CAMKMT: variants seen among roughly 807,000 people sequenced by gnomAD.
CAMKMT encodes the protein CaM KMT.
CAMKMT carries 53 observed loss-of-function variants against 48.0 expected under a neutral mutation model. That is an observed-to-expected ratio of 1.10 (90% confidence interval 0.89 to 1.39). The LOEUF (loss-of-function observed/expected upper bound fraction) is 1.39, where lower values mean the gene tolerates loss of function less well. Ranked by LOEUF, CAMKMT falls within the 40% of genes most tolerant of loss-of-function variation. CAMKMT has a pLI of 0.00. For synonymous variants in CAMKMT, 165 were observed against 152.3 expected (o/e 1.08, Z -0.61); for missense variants, 428 against 402.7 (o/e 1.06, Z -0.54).
intron 2 of CAMKMT, among the ~76,000 whole-genome samples, chr2:44,382,099 A>C (rs1480796815): frequency 6.6e-6 from 1 of 151,702 alleles, no homozygotes; most frequent in Non-Finnish European, 1.5e-5. Flanking sequence ...CTGCCACTAC[A>C]CCTGGCTAAT....
intron 3 of CAMKMT, among the ~76,000 whole-genome samples, chr2:44,694,298 G>A (rs1676818741): frequency 6.6e-6 from 1 of 152,184 alleles, no homozygotes; most frequent in South Asian, 2.1e-4. Flanking sequence ...TCTAGGCCAG[G>A]TGCGGTGGCT....
At chr2:44,608,550 A>G (rs957377249) in intron 3 of CAMKMT, among the ~76,000 whole-genome samples, 1 of 152,166 alleles carries the variant, frequency 6.6e-6, no homozygotes, top group African/African-American at 2.4e-5. Flanking sequence ...AACATTCAGT[A>G]TCCCTTTCTA....
chr2:44,753,977 C>A, intron 8 of CAMKMT, 78 bp from the exon 9 acceptor site: 1 of 1,000,750 alleles, frequency 1.0e-6, no homozygotes, highest in Non-Finnish European at 1.6e-6. Flanking sequence ...GTGTAATTAG[C>A]CTTGTACTTA....
At chr2:44,385,226 CT>C (rs963181130) in intron 2 of CAMKMT, among the ~76,000 whole-genome samples, 15 of 145,674 alleles carry the variant, frequency 1.0e-4, no homozygotes, top group South Asian at 2.2e-4. Flanking sequence ...CTAAGTATTC[CT>C]TTTTTTTTTG....
intron 3 of CAMKMT, chr2:44,457,257 A>G (rs1016043079): frequency 6.6e-6 from 1 of 152,150 alleles, no homozygotes. Flanking sequence ...ATATTTCTGT[A>G]TACTTAAAAA....
chr2:44,564,982 T>A (rs1041467379), intron 3 of CAMKMT, among the ~76,000 whole-genome samples: 7 of 152,320 alleles, frequency 4.6e-5, no homozygotes, highest in Admixed American at 4.6e-4. Context: ...TCCAAAGAGA[T>A]TTCCAGGGCT....
At chr2:44,422,862 A>T (rs1282674997) in intron 3 of CAMKMT, among the ~76,000 whole-genome samples, 1 of 152,124 alleles carries the variant, frequency 6.6e-6, no homozygotes, top group Non-Finnish European at 1.5e-5. Context: ...ATGAAGAGAT[A>T]CATAGAACCA....
intron 3 of CAMKMT, among the ~76,000 whole-genome samples, chr2:44,423,356 T>A (rs1242939016): frequency 6.6e-6 from 1 of 152,068 alleles, no homozygotes; most frequent in East Asian, 1.9e-4. Flanking sequence ...ATTTTTGTAT[T>A]TGTAGTAGAG....
intron 3 of CAMKMT, among the ~76,000 whole-genome samples, chr2:44,423,400 G>A (rs1013683574): frequency 2.6e-5 from 4 of 151,956 alleles, no homozygotes; most frequent in East Asian, 1.9e-4. Flanking sequence ...CACTGGTCTC[G>A]AACTCCTGAC....
intron 3 of CAMKMT, among the ~76,000 whole-genome samples, chr2:44,511,919 A>G (rs1001425476): frequency 6.6e-6 from 1 of 152,156 alleles, no homozygotes. Context: ...CCCATCTTCT[A>G]ATAGTACTGT....
chr2:44,540,376 T>C (rs35928107), intron 3 of CAMKMT, among the ~76,000 whole-genome samples: 5,386 of 152,248 alleles, frequency 0.035, 108 homozygotes, highest in Non-Finnish European at 0.053. Flanking sequence ...AGGATCATCT[T>C]GTACTTTCTC....
intron 3 of CAMKMT, among the ~76,000 whole-genome samples, chr2:44,659,694 C>T (rs957597342): frequency 3.3e-5 from 5 of 151,810 alleles, no homozygotes; most frequent in Admixed American, 3.3e-4. Context: ...ACTTTTTTCC[C>T]TTAATTTATA....
intron 3 of CAMKMT, among the ~76,000 whole-genome samples, chr2:44,615,758 G>T (rs534630231): frequency 1.3e-5 from 2 of 152,106 alleles, no homozygotes; most frequent in Non-Finnish European, 2.9e-5. Context: ...AGGATCTCCA[G>T]AATGAGAATA....
intron 8 of CAMKMT, among the ~76,000 whole-genome samples, chr2:44,749,629 A>G (rs1680071206): frequency 6.6e-6 from 1 of 152,232 alleles, no homozygotes; most frequent in African/African-American, 2.4e-5. Context: ...TTTGATGTCC[A>G]CATAGTCATA....
chr2:44,562,883 T>C (rs1668399776), intron 3 of CAMKMT, among the ~76,000 whole-genome samples: 1 of 152,206 alleles, frequency 6.6e-6, no homozygotes, highest in African/African-American at 2.4e-5. Context: ...CCTAATATCA[T>C]ATTCCCATCT....
chr2:44,712,432 A>G (rs1335463853), intron 6 of CAMKMT, among the ~76,000 whole-genome samples: 2 of 152,112 alleles, frequency 1.3e-5, no homozygotes, highest in Admixed American at 6.6e-5. Flanking sequence ...TACATATAAC[A>G]TGTATATAAT....
At chr2:44,389,139 TA>T (rs1387421273) in intron 2 of CAMKMT, among the ~76,000 whole-genome samples, 1 of 152,074 alleles carries the variant, frequency 6.6e-6, no homozygotes, top group Non-Finnish European at 1.5e-5. Context: ...GGGGCAGGGC[TA>T]GGCCTGTCTG....
chr2:44,754,322 G>A (rs959655796), intron 9 of CAMKMT, among the ~76,000 whole-genome samples: 2 of 152,164 alleles, frequency 1.3e-5, no homozygotes, highest in African/African-American at 4.8e-5. Context: ...CTTCTGATAA[G>A]AAACACAGTG....
chr2:44,436,297 C>T (rs1253523794), intron 3 of CAMKMT, among the ~76,000 whole-genome samples: 3 of 152,132 alleles, frequency 2.0e-5, no homozygotes, highest in Non-Finnish European at 4.4e-5. Context: ...AGGCTGGTCT[C>T]GAACTCCTGA....
Sources: allele counts gnomAD v4.1 joint callset (sites outside exome capture counted in the v4.1 genomes callset), GRCh38; gene constraint gnomAD v4.1.1; transcripts MANE v1.5; gene names NCBI Gene and HGNC (gene_info 2026-07-23, HGNC 2026-07-21).